Variants in LINGO2 observed in about 807,000 individuals in gnomAD.
The protein encoded by LINGO2 is leucine rich repeat and Ig domain containing 2.
A neutral mutation model predicts 30.6 loss-of-function variants in LINGO2; 14 were observed. That is an observed-to-expected ratio of 0.46 (90% CI 0.30 to 0.72). The LOEUF (loss-of-function observed/expected upper bound fraction) is 0.72, where lower values mean the gene tolerates loss of function less well. LINGO2 is among the 30% of genes least tolerant of loss of function. LINGO2 has a pLI of 0.07. For synonymous variants in LINGO2, 317 were observed against 288.5 expected (o/e 1.10, Z -1.00); for missense variants, 729 against 751.7 (o/e 0.97, Z 0.35).
chr9:27,954,721 C>A (rs547900878), intron 5 of LINGO2, among the ~76,000 whole-genome samples: 12 of 152,110 alleles, frequency 7.9e-5, no homozygotes, highest in African/African-American at 2.7e-4. Context: ...TAAAGACATA[C>A]CCAAGACTGG....
chr9:28,359,189 G>A (rs898475744), intron 3 of LINGO2, among the ~76,000 whole-genome samples: 1 of 152,112 alleles, frequency 6.6e-6, no homozygotes, highest in Admixed American at 6.6e-5. Flanking sequence ...TCTTCACTTT[G>A]CAATGTAGGG....
chr9:28,034,914 G>A (rs1563930346), intron 4 of LINGO2, among the ~76,000 whole-genome samples: 1 of 152,158 alleles, frequency 6.6e-6, no homozygotes, highest in Non-Finnish European at 1.5e-5. Context: ...TAAAGTGTGA[G>A]TTGCAGATTT....
chr9:28,360,209 A>G (rs986913362), intron 3 of LINGO2, among the ~76,000 whole-genome samples: 1 of 152,216 alleles, frequency 6.6e-6, no homozygotes, highest in Non-Finnish European at 1.5e-5. Context: ...TTTTGTTAAA[A>G]TGAGAAAAAT....
chr9:28,111,008 T>C (rs926229356), intron 4 of LINGO2, among the ~76,000 whole-genome samples: 1 of 152,136 alleles, frequency 6.6e-6, no homozygotes, highest in African/African-American at 2.4e-5. Flanking sequence ...AATGATAGAC[T>C]GGATAAAGAA....
chr9:28,953,690 C>A, the LINGO2 span, among the ~76,000 whole-genome samples: 1 of 151,896 alleles, frequency 6.6e-6, no homozygotes, highest in Non-Finnish European at 1.5e-5. Context: ...CTGATATAGA[C>A]ATGTATTTTT....
chr9:28,407,411 T>C (rs956222965), intron 2 of LINGO2, among the ~76,000 whole-genome samples: 1 of 152,142 alleles, frequency 6.6e-6, no homozygotes, highest in Non-Finnish European at 1.5e-5. Flanking sequence ...CAAAGGTTAT[T>C]ATTGCTCCTT....
At chr9:28,600,482 C>G (rs1825413200) in intron 1 of LINGO2, among the ~76,000 whole-genome samples, 3 of 152,052 alleles carry the variant, frequency 2.0e-5, no homozygotes, top group Admixed American at 2.0e-4. Context: ...ATGTCATAAG[C>G]ACTATTATAA....
chr9:28,557,162 G>A (rs1227840915), intron 1 of LINGO2, among the ~76,000 whole-genome samples: 3 of 151,912 alleles, frequency 2.0e-5, no homozygotes, highest in African/African-American at 7.2e-5. Flanking sequence ...TAATTAAACT[G>A]AAGAGCTTCT....
At chr9:28,967,648 T>C in the LINGO2 span, among the ~76,000 whole-genome samples, 890 of 152,300 alleles carry the variant, frequency 5.8e-3, 8 homozygotes, top group African/African-American at 0.021. Flanking sequence ...GGCAACAAGA[T>C]TGACCATTAG....
chr9:28,869,997 G>A, the LINGO2 span, among the ~76,000 whole-genome samples: 9 of 151,622 alleles, frequency 5.9e-5, no homozygotes, highest in African/African-American at 1.7e-4. Flanking sequence ...AGTATTAACA[G>A]TAAAGCTAAA....
intron 2 of LINGO2, among the ~76,000 whole-genome samples, chr9:28,464,727 A>G (rs887370698): frequency 1.3e-5 from 2 of 152,214 alleles, no homozygotes; most frequent in Non-Finnish European, 2.9e-5. Context: ...TAGAGTGGGG[A>G]ACTTGGCTAT....
At position 28,609,702 on chromosome 9, in the gene LINGO2, A is replaced by G. The variant is rs961881925; in HGVS notation, c.-365+60498T>C. On this transcript the variant is annotated intron_variant, in intron 1 of 5. Transcript: ENST00000379992. Reference sequence around the variant, plus strand: ...AACTTAGAAAAGTCTTTGAAGCACAATTTTGTCTGTCACAATGTCAGGTGC... The same window carrying G: ...AACTTAGAAAAGTCTTTGAAGCACAGTTTTGTCTGTCACAATGTCAGGTGC... 2.6e-5 allele frequency among the ~76,000 whole-genome samples: 4 copies of G among 152,064 alleles called. No homozygotes were observed. In the East Asian group the frequency reaches 5.8e-4, roughly 22 times the overall value.
the LINGO2 span, among the ~76,000 whole-genome samples, chr9:28,773,312 C>G: frequency 7.4e-5 from 11 of 148,768 alleles, no homozygotes; most frequent in African/African-American, 2.3e-4. Flanking sequence ...TTGCAGTGAG[C>G]TGAGATCGTG....
intron 2 of LINGO2, among the ~76,000 whole-genome samples, chr9:28,382,771 G>A (rs1254077380): frequency 7.2e-5 from 11 of 152,008 alleles, no homozygotes. Context: ...AAAGTTACTT[G>A]TCCCCATGAT....
chr9:28,174,894 G>GTCTC (rs200889145), intron 4 of LINGO2, among the ~76,000 whole-genome samples: 1,054 of 103,388 alleles, frequency 0.01, 10 homozygotes, highest in African/African-American at 0.031. Context: ...GAGAATTTGT[G>GTCTC]TCTCTGTGTG....
the LINGO2 span, among the ~76,000 whole-genome samples, chr9:28,699,323 G>A: frequency 1.3e-5 from 2 of 152,114 alleles, no homozygotes; most frequent in Non-Finnish European, 2.9e-5. Flanking sequence ...ACTGGCTGGA[G>A]CTGCGGCAGA....
chr9:28,878,292 A>G, the LINGO2 span, among the ~76,000 whole-genome samples: 1 of 152,160 alleles, frequency 6.6e-6, no homozygotes, highest in African/African-American at 2.4e-5. Flanking sequence ...AACCAGGAAG[A>G]AGTTGAATCT....
chr9:29,140,808 C>T, the LINGO2 span, among the ~76,000 whole-genome samples: 1 of 151,732 alleles, frequency 6.6e-6, no homozygotes. Context: ...ATAAGGGAGG[C>T]TCCATAATAA....
chr9:28,277,222 T>C (rs2134111507), intron 4 of LINGO2, among the ~76,000 whole-genome samples: 1 of 152,312 alleles, frequency 6.6e-6, no homozygotes, highest in South Asian at 2.1e-4. Context: ...AATATTTTCA[T>C]TGTTAATATA....
Sources: allele counts gnomAD v4.1 joint callset (sites outside exome capture counted in the v4.1 genomes callset), GRCh38; gene constraint gnomAD v4.1.1; transcripts MANE v1.5; gene names NCBI Gene and HGNC (gene_info 2026-07-23, HGNC 2026-07-21).